SLC13A3: variants seen among roughly 807,000 people sequenced by gnomAD.
SLC13A3 encodes the protein Na(+)/dicarboxylate cotransporter 3.
SLC13A3 carries 40 observed loss-of-function variants against 59.0 expected under a neutral mutation model. That is an observed-to-expected ratio of 0.68 (90% CI 0.53 to 0.88). The LOEUF is 0.88. SLC13A3 is among the 40% of genes least tolerant of loss of function. The pLI, the probability that SLC13A3 is intolerant of heterozygous loss-of-function variation, is 0.00. For synonymous variants in SLC13A3, 317 were observed against 330.3 expected (o/e 0.96, Z 0.44); for missense variants, 699 against 783.2 (o/e 0.89, Z 1.28).
chr20:46,681,470 AGAG>A (rs1369744743), intron 1 of SLC13A3, among the ~76,000 whole-genome samples: 3 of 151,596 alleles, frequency 2.0e-5, no homozygotes, highest in Non-Finnish European at 4.4e-5. Context: ...GGGAGGAGGA[AGAG>A]AAGAGAGAAA....
At chr20:46,626,156 TCCC>T (rs1173995968) in intron 1 of SLC13A3, among the ~76,000 whole-genome samples, 1 of 150,092 alleles carries the variant, frequency 6.7e-6, no homozygotes, top group South Asian at 2.2e-4. Context: ...TGTCTCTCTC[TCCC>T]CCCTTCTTTT....
At chr20:46,585,668 C>A in intron 8 of SLC13A3, 1 of 1,288,860 alleles carries the variant, frequency 7.8e-7, no homozygotes, top group Non-Finnish European at 1.0e-6. Context: ...AGATGTATAT[C>A]AGAATTAGAG....
Position 46,560,019 on chromosome 20 carries a change from G to C in SLC13A3, c.*3C>G. 1 of 1,613,802 alleles carries C rather than the reference G, an allele frequency of 6.2e-7. No homozygotes were observed. The highest frequency in any genetic ancestry group is 8.5e-7 in the Non-Finnish European group (1 of 1,179,886). ...CAGCCTCAAGGGAGTCCTCCAGGGG[G>C]ACTCAGAGGGTCCGAAATGTGTCAT... On this transcript the variant is annotated 3_prime_UTR_variant, in exon 13 of 13. Transcript: ENST00000279027.
intron 1 of SLC13A3, among the ~76,000 whole-genome samples, chr20:46,626,131 C>CTG (rs1568943691): frequency 8.7e-5 from 12 of 137,484 alleles, no homozygotes; most frequent in Non-Finnish European, 1.7e-4. Flanking sequence ...CTGTCTCTCT[C>CTG]TCTCTCTGTC....
intron 3 of SLC13A3, chr20:46,600,625 T>A: frequency 2.1e-6 from 1 of 465,444 alleles, no homozygotes; most frequent in South Asian, 1.6e-5. Flanking sequence ...AGGCCAGCTA[T>A]GAATGGTAAT....
rs1468176004 is a variant in SLC13A3, at chr20:46,585,176, C to T, written c.1122-1507G>A. On this transcript the variant is annotated intron_variant, in intron 8 of 12. Transcript: ENST00000279027. ...AAAAGAATGGAGTAAGTCCAAATGGCAAGTTGTCCATGATCATATTATTAT... is the reference window on the plus strand; with the variant it reads ...AAAAGAATGGAGTAAGTCCAAATGGTAAGTTGTCCATGATCATATTATTAT... 3.7e-5 allele frequency: 36 copies of T among 984,478 alleles called. No individual in the cohort carries two copies. In the Admixed American group the frequency reaches 1.8e-3, roughly 50 times the overall value. 61.0% of individuals were successfully genotyped at this position (984,478 alleles called of 1,614,324 possible). A position where few individuals can be genotyped will look rare whatever the true frequency, so the allele number is the denominator to read the frequency against.
chr20:46,635,972 A>G (rs536380238), intron 1 of SLC13A3, among the ~76,000 whole-genome samples: 3 of 152,292 alleles, frequency 2.0e-5, no homozygotes, highest in East Asian at 1.9e-4. Context: ...GTTACCCTAT[A>G]TGGTCTAAAA....
Position 46,613,675 on chromosome 20 carries a change from C to T in SLC13A3, c.162G>A (p.Thr54=), listed in dbSNP as rs748354532. The T allele has an allele frequency of 4.3e-6, 7 of 1,611,658 alleles. No homozygotes were observed. The highest frequency in any genetic ancestry group is 1.7e-5 in the Admixed American group (1 of 59,670). ...CCGTCACTGAGAGCGGCAGGGCCTC[C>T]GTGCACCAGTACACCGCCATGAGCA... ...VILLMAVYWC[T]EALPLSVTAL... is the part of the protein sequence containing the mutation. The change falls in exon 2 of 13, where the codon ACG becomes ACA. Residue 54 remains threonine, a synonymous_variant. Transcript: ENST00000279027.
At chr20:46,587,906 A>G (rs956218791) in intron 8 of SLC13A3, among the ~76,000 whole-genome samples, 153 bp downstream of exon 8, 2 of 152,184 alleles carry the variant, frequency 1.3e-5, no homozygotes, top group Admixed American at 1.3e-4. Context: ...CTCTTTTGAG[A>G]GTGAAAGAGG....
intron 3 of SLC13A3, among the ~76,000 whole-genome samples, chr20:46,609,363 T>C (rs1214331585): frequency 1.3e-5 from 2 of 152,230 alleles, no homozygotes; most frequent in Non-Finnish European, 2.9e-5. Context: ...AATGGCTGTG[T>C]ATGTTTTGTT....
intron 1 of SLC13A3, among the ~76,000 whole-genome samples, chr20:46,667,679 GGGCAGGA>G (rs2063069181): frequency 6.6e-6 from 1 of 152,142 alleles, no homozygotes; most frequent in Non-Finnish European, 1.5e-5. Context: ...GCTCGTTGCT[GGGCAGGA>G]GGTTTCACTC....
At chr20:46,568,271 G>A (rs985700663) in intron 10 of SLC13A3, among the ~76,000 whole-genome samples, 9 of 151,588 alleles carry the variant, frequency 5.9e-5, no homozygotes, top group East Asian at 1.9e-4. Context: ...GGTGGTGCAC[G>A]CCTGTAATCC....
intron 1 of SLC13A3, among the ~76,000 whole-genome samples, chr20:46,620,041 T>C (rs2062598811): frequency 6.6e-6 from 1 of 152,210 alleles, no homozygotes; most frequent in South Asian, 2.1e-4. Flanking sequence ...CTCCTAACAA[T>C]AAATAATACC....
In SLC13A3 at chr20:46,558,165, A is replaced by C. The variant is rs1194860747; in HGVS notation, c.*1857T>G. On this transcript the variant is annotated 3_prime_UTR_variant, in exon 13 of 13. Transcript: ENST00000279027. The stretch of plus-strand genomic sequence containing the variant: ...AGGGTGACATTTTAGACAGGAGGTC[A>C]GGGAAGCCTCTCAGGGAAGGTGACA... 6.6e-6 allele frequency: 1 copy of C among 152,252 alleles called. No individual in the cohort carries two copies. Among genetic ancestry groups the C allele is most frequent in the Non-Finnish European group, 1.5e-5 (1 of 68,064 alleles). 9.4% of individuals were successfully genotyped at this position (152,252 alleles called of 1,614,324 possible). A position where few individuals can be genotyped will look rare whatever the true frequency, so the allele number is the denominator to read the frequency against.
chr20:46,659,720 C>G (rs574396599), intron 1 of SLC13A3, among the ~76,000 whole-genome samples: 4 of 148,734 alleles, frequency 2.7e-5, no homozygotes, highest in African/African-American at 5.0e-5. Flanking sequence ...TATCCCCCCC[C>G]CCCAAAAAAA....
Position 46,586,564 on chromosome 20 carries a change from C to T in SLC13A3, c.1121+1495G>A, listed in dbSNP as rs140333052. 3.9e-3 allele frequency among the ~76,000 whole-genome samples: 595 copies of T among 152,274 alleles called. 2 individuals carry two copies. Among genetic ancestry groups the T allele is most frequent in the Middle Eastern group, 0.014 (4 of 294 alleles). On this transcript the variant is annotated intron_variant, in intron 8 of 12. Transcript: ENST00000279027. ...TCCTCTAAGCTCCAGTCTTGCATAT[C>T]TAACTGCCTATTGAGCTTGACAAGT... is the stretch of plus-strand genomic sequence containing the variant.
chr20:46,564,934 T>C (rs938234725), intron 11 of SLC13A3, among the ~76,000 whole-genome samples: 10 of 152,260 alleles, frequency 6.6e-5, no homozygotes, highest in African/African-American at 2.2e-4. Flanking sequence ...CTAACACAGA[T>C]AAATTGATGC....
At chr20:46,675,656 C>T (rs1350855153) in intron 1 of SLC13A3, among the ~76,000 whole-genome samples, 65 of 149,704 alleles carry the variant, frequency 4.3e-4, no homozygotes, top group Non-Finnish European at 7.3e-4. Context: ...TCACAGCTCA[C>T]TGCAGCCTTG....
At chr20:46,617,934 T>G (rs1388028948) in intron 1 of SLC13A3, among the ~76,000 whole-genome samples, 1 of 152,166 alleles carries the variant, frequency 6.6e-6, no homozygotes, top group Non-Finnish European at 1.5e-5. Flanking sequence ...TGTGTACCAC[T>G]CACCAGACCA....
Sources: gnomAD v4.1 joint callset for allele counts (sites outside exome capture counted in the v4.1 genomes callset) on GRCh38, gnomAD v4.1.1 for gene constraint, MANE v1.5 for transcripts, NCBI Gene and HGNC (gene_info 2026-07-23, HGNC 2026-07-21) for gene names.